Variants in TNKS2 observed in about 807,000 individuals in gnomAD.
The protein encoded by TNKS2 is tankyrase 2.
TNKS2 carries 72 observed loss-of-function variants against 137.6 expected under a neutral mutation model. The observed-to-expected ratio is 0.52, with a 90% CI of 0.43 to 0.64. The LOEUF is 0.64. Ranked by LOEUF, TNKS2 falls within the 30% of genes least tolerant of loss-of-function variation. TNKS2 has a pLI of 0.00. For missense variants in TNKS2, 1,049 were observed against 1,410.2 expected (o/e 0.74, Z 4.10); for synonymous variants, 516 against 512.1 (o/e 1.01, Z -0.10).
intron 1 of TNKS2, among the ~76,000 whole-genome samples, chr10:91,806,570 A>G (rs1002759945): frequency 2.6e-5 from 4 of 152,104 alleles, no homozygotes; most frequent in African/African-American, 9.7e-5. Context: ...TGATACTACA[A>G]ATCCCTTATA....
rs73325993 is a variant in TNKS2, at chr10:91,823,992, A to G, written c.795+1630A>G. Among the ~76,000 whole-genome samples, 300 of 152,354 alleles carry G rather than the reference A, an allele frequency of 2.0e-3. 1 individual carries two copies. The highest frequency in any genetic ancestry group is 6.9e-3 in the African/African-American group (287 of 41,582). ...AAAACTGAATCTTGACTCCAGCAGA[A>G]CATTTGAAAGTTGCTATGGATAAGA... On this transcript the variant is annotated intron_variant, in intron 7 of 26. Transcript: ENST00000371627.
intron 2 of TNKS2, among the ~76,000 whole-genome samples, chr10:91,815,388 C>G (rs564073736): frequency 9.8e-5 from 15 of 152,308 alleles, no homozygotes; most frequent in Non-Finnish European, 1.5e-4. Flanking sequence ...ATTGTTCCTG[C>G]CCTACATTCA....
intron 13 of TNKS2, among the ~76,000 whole-genome samples, chr10:91,839,115 C>T (rs796952182): frequency 1.2e-4 from 19 of 152,292 alleles, no homozygotes; most frequent in African/African-American, 4.3e-4. Flanking sequence ...GATCCACCCG[C>T]CTGGCCTCCC....
chr10:91,833,800 T>G, intron 11 of TNKS2, 53 bp from the exon 12 acceptor site: 1 of 1,401,180 alleles, frequency 7.1e-7, no homozygotes, highest in Non-Finnish European at 9.5e-7. Context: ...CATGATTGTA[T>G]GGTTTTAAAT....
In TNKS2 at chr10:91,859,593, G is replaced by A; in HGVS notation, c.3226G>A (p.Gly1076Arg). ...SKSNQYVYGI[G>R]GGTGCPVHKD... Reference sequence around the variant, plus strand: ...AAGCAATCAATATGTATATGGAATTGGAGGAGGTACTGGGTGTCCAGTTCA... The same window carrying A: ...AAGCAATCAATATGTATATGGAATTAGAGGAGGTACTGGGTGTCCAGTTCA... Residue 1076 changes from glycine to arginine, a missense_variant, in exon 25 of 27, where the codon GGA (glycine) becomes AGA (arginine). Physicochemically the swap from Gly to Arg is moderately radical, Grantham distance 125. This residue lies in a region of TNKS2 where 133 missense variants were observed against 248.4 expected (regional missense o/e 0.54). Transcript: ENST00000371627. The A allele has an allele frequency of 6.2e-7, 1 of 1,613,964 alleles. No individual in the cohort carries two copies. The highest frequency in any genetic ancestry group is 1.7e-5 in the Admixed American group (1 of 59,996).
rs1357332764 is a variant in TNKS2, at chr10:91,851,255, C to T, written c.2734C>T (p.Leu912=). Residue 912 remains leucine, a synonymous_variant, in exon 21 of 27, where the codon CTG becomes TTG. Coordinates refer to ENST00000371627, the MANE Select transcript of TNKS2 (RefSeq NM_025235.4). The stretch of plus-strand genomic sequence containing the variant: ...ATTAGTTGAGATGGGGCACAAGGAG[C>T]TGAAGGAGATTGGAATCAATGCTTA... The part of the protein sequence containing the change: ...DVLVEMGHKE[L]KEIGINAYGH... 1 of 1,613,364 alleles carries T rather than the reference C, an allele frequency of 6.2e-7. No homozygotes were observed. The highest frequency in any genetic ancestry group is 1.1e-5 in the South Asian group (1 of 90,862).
At chr10:91,843,518 G>A (rs1483859964) in intron 16 of TNKS2, among the ~76,000 whole-genome samples, 2 of 152,040 alleles carry the variant, frequency 1.3e-5, no homozygotes, top group Non-Finnish European at 2.9e-5. Flanking sequence ...AATTTTGCAG[G>A]GTACAATTCA....
chr10:91,857,579 G>GT, intron 24 of TNKS2, 49 bp downstream of exon 24: 7 of 1,267,300 alleles, frequency 5.5e-6, no homozygotes, highest in South Asian at 4.1e-5. Context: ...CATTAGGATA[G>GT]TTTTTTTGTT....
At chr10:91,827,227 C>T (rs1247265650) in intron 8 of TNKS2, 24 bp downstream of exon 8, 1 of 1,471,128 alleles carries the variant, frequency 6.8e-7, no homozygotes, top group African/African-American at 1.4e-5. Context: ...TATGAATGTT[C>T]AGGTAGGATA....
intron 3 of TNKS2, among the ~76,000 whole-genome samples, chr10:91,817,715 G>A (rs1844755832): frequency 6.6e-6 from 1 of 152,074 alleles, no homozygotes; most frequent in South Asian, 2.1e-4. Flanking sequence ...TTTCAGAAGA[G>A]GATTCTAGGC....
At chr10:91,831,654 A>G (rs1845251752) in intron 11 of TNKS2, among the ~76,000 whole-genome samples, 1 of 152,168 alleles carries the variant, frequency 6.6e-6, no homozygotes, top group African/African-American at 2.4e-5. Flanking sequence ...ATAGCTCCCC[A>G]TGTTGGTAAG....
At chr10:91,818,770 C>A (rs1407522826) in intron 3 of TNKS2, among the ~76,000 whole-genome samples, 4 of 152,046 alleles carry the variant, frequency 2.6e-5, no homozygotes, top group Non-Finnish European at 5.9e-5. Context: ...TGGGCTCAAG[C>A]GATCCACCCA....
At chr10:91,850,291 C>T (rs1180137396) in intron 20 of TNKS2, among the ~76,000 whole-genome samples, 1 of 150,398 alleles carries the variant, frequency 6.6e-6, no homozygotes, top group Non-Finnish European at 1.5e-5. Flanking sequence ...TTGCTTGAAC[C>T]CGGGAAGCAG....
intron 9 of TNKS2, among the ~76,000 whole-genome samples, chr10:91,829,950 A>G (rs563063678): frequency 6.6e-6 from 1 of 152,298 alleles, no homozygotes; most frequent in East Asian, 1.9e-4. Flanking sequence ...ACATTATTGA[A>G]CACCTATTGT....
chr10:91,809,004 T>C (rs1039078370), intron 1 of TNKS2, among the ~76,000 whole-genome samples: 1 of 152,150 alleles, frequency 6.6e-6, no homozygotes, highest in Non-Finnish European at 1.5e-5. Context: ...GTAGTGTGTA[T>C]AGTAGTAAGA....
intron 1 of TNKS2, among the ~76,000 whole-genome samples, chr10:91,803,096 A>G (rs562872331): frequency 2.0e-5 from 3 of 152,178 alleles, no homozygotes; most frequent in African/African-American, 7.2e-5. Context: ...CCAAGTTTCT[A>G]CTAATCTGGC....
At chr10:91,807,205 G>T in intron 1 of TNKS2, 1 of 1,606,416 alleles carries the variant, frequency 6.2e-7, no homozygotes, top group Non-Finnish European at 8.5e-7. Flanking sequence ...GTAACATTGC[G>T]GGCTTCCTTG....
Position 91,862,014 on chromosome 10 carries a change from C to T in TNKS2, c.3297C>T (p.Cys1099=). The T allele has an allele frequency of 6.2e-7, 1 of 1,607,886 alleles. No homozygotes were observed. The highest frequency in any genetic ancestry group is 8.5e-7 in the Non-Finnish European group (1 of 1,177,174). ...CGTTTTATAGGCAGCTGCTCTTTTGCCGGGTAACCTTGGGAAAGTCTTTCC... is the reference window on the plus strand; with the variant it reads ...CGTTTTATAGGCAGCTGCTCTTTTGTCGGGTAACCTTGGGAAAGTCTTTCC... ...CYICHRQLLF[C]RVTLGKSFLQ... The change falls in exon 26 of 27, where the codon TGC becomes TGT. Residue 1099 remains cysteine (C), a synonymous_variant. Transcript: ENST00000371627.
chr10:91,841,427 A>T lies in TNKS2; in HGVS notation c.1818A>T (p.Glu606Asp), dbSNP rs1479780616. Residue 606 changes from glutamate to aspartate, a missense_variant, in exon 15 of 27, where the codon GAA (glutamate) becomes GAT (aspartate). Transcript: ENST00000371627. ...LHEAAAKGKY[E>D]ICKLLLQHGA... ...AAGCAGCAGCAAAAGGAAAATATGA[A>T]ATTTGCAAACTTCTGCTCCAGGTAT... The T allele has an allele frequency of 1.2e-6, 2 of 1,607,702 alleles. No homozygotes were observed. Among genetic ancestry groups the T allele is most frequent in the Admixed American group, 3.4e-5 (2 of 59,048 alleles).
Sources: gnomAD v4.1 joint callset for allele counts (sites outside exome capture counted in the v4.1 genomes callset) on GRCh38, gnomAD v4.1.1 for gene constraint, gnomAD v4.1.1 regional missense constraint, MANE v1.5 for transcripts, NCBI Gene and HGNC (gene_info 2026-07-23, HGNC 2026-07-21) for gene names.